Variants in PTPRN2 observed in about 807,000 individuals in gnomAD.
PTPRN2 encodes receptor-type tyrosine-protein phosphatase N2.
Under a neutral mutation model 118.8 loss-of-function variants are expected in PTPRN2, and 74 were observed. The ratio of observed to expected loss-of-function variants is 0.62; its 90% CI spans 0.52 to 0.76. The LOEUF is 0.76. Among genes scored for constraint, PTPRN2 ranks in the 30% least tolerant of loss-of-function variants. PTPRN2 has a pLI of 0.00. For synonymous variants in PTPRN2, 641 were observed against 608.0 expected (o/e 1.05, Z -0.80); for missense variants, 1,481 against 1,394.4 (o/e 1.06, Z -0.99).
chr7:158,542,353 A>G lies in PTPRN2; in HGVS notation c.112+45205T>C, dbSNP rs189494712. ...TTTTTAGTAGAGTTGGGGTTTCACC[A>G]TGTTGGCCAGGCTGGTCTCGAACTT... On this transcript the variant is annotated intron_variant, in intron 1 of 22. Transcript: ENST00000389418. 5.0e-3 allele frequency among the ~76,000 whole-genome samples: 762 copies of G among 152,354 alleles called. 9 individuals carry two copies. Among genetic ancestry groups the G allele is most frequent in the African/African-American group, 0.017 (700 of 41,578 alleles).
chr7:158,266,733 T>C (rs1483293095), intron 3 of PTPRN2, among the ~76,000 whole-genome samples: 1 of 152,046 alleles, frequency 6.6e-6, no homozygotes, highest in African/African-American at 2.4e-5. Flanking sequence ...GAGATGAGAG[T>C]TCTGTAATTT....
intron 3 of PTPRN2, among the ~76,000 whole-genome samples, chr7:158,280,175 A>G (rs1586111298): frequency 6.6e-6 from 1 of 152,210 alleles, no homozygotes; most frequent in East Asian, 1.9e-4. Flanking sequence ...TGTCCCTTCC[A>G]TATCTGGAAC....
Position 158,081,345 on chromosome 7 carries a change from C to G in PTPRN2, c.1676G>C (p.Ser559Thr), listed in dbSNP as rs1479360422. The G allele has an allele frequency of 3.1e-6, 5 of 1,614,178 alleles. No homozygotes were observed. The highest frequency in any genetic ancestry group is 8.5e-7 in the Non-Finnish European group (1 of 1,180,034). ...AGTGGTCACGTTTTGGACATTGGCG[C>G]TCACTTTGAAGGTCACTGCTGGTCC... ...VLGPAVTFKV[S>T]ANVQNVTTED... The change falls in exon 11 of 23, where the codon AGC becomes ACC. Residue 559 changes from serine (S) to threonine (T), a missense_variant. Physicochemically the swap from Ser to Thr is moderately conservative, Grantham distance 58. Around this residue, in one of 3 missense-constraint regions of PTPRN2, gnomAD observed 1,115 missense variants for 994.2 expected, o/e 1.12. Transcript: ENST00000389418.
At chr7:157,711,929 A>G in intron 12 of PTPRN2, among the ~76,000 whole-genome samples, 1 of 78,208 alleles carries the variant, frequency 1.3e-5, no homozygotes, top group East Asian at 2.5e-4. Context: ...CATGCAGGCC[A>G]CATGAGTGGG....
At chr7:158,065,356 A>G (rs1449746022) in intron 11 of PTPRN2, among the ~76,000 whole-genome samples, 4 of 152,178 alleles carry the variant, frequency 2.6e-5, no homozygotes, top group Non-Finnish European at 5.9e-5. Flanking sequence ...ATCATGGGGG[A>G]GTCCTGTAAG....
intron 14 of PTPRN2, among the ~76,000 whole-genome samples, chr7:157,646,348 C>T (rs965231984): frequency 6.6e-6 from 1 of 152,096 alleles, no homozygotes; most frequent in Non-Finnish European, 1.5e-5. Flanking sequence ...GCGGCACTCC[C>T]CATCTGTTCT....
chr7:158,114,195 G>T (rs1198129390), intron 9 of PTPRN2, among the ~76,000 whole-genome samples: 1 of 152,236 alleles, frequency 6.6e-6, no homozygotes, highest in African/African-American at 2.4e-5. Context: ...GCCCAGTCCA[G>T]GGCTCTGGGA....
chr7:158,001,156 G>A (rs1214366142), intron 11 of PTPRN2, among the ~76,000 whole-genome samples: 1 of 145,664 alleles, frequency 6.9e-6, no homozygotes. Context: ...AGGTGGGGCT[G>A]GGGTTTGGCC....
chr7:158,086,289 G>A (rs1252917038), intron 10 of PTPRN2, among the ~76,000 whole-genome samples: 1 of 151,554 alleles, frequency 6.6e-6, no homozygotes, highest in Non-Finnish European at 1.5e-5. Context: ...CCAGGCCTCT[G>A]CACGATGAGA....
At chr7:158,317,875 T>C (rs1043169575) in intron 2 of PTPRN2, among the ~76,000 whole-genome samples, 3 of 152,196 alleles carry the variant, frequency 2.0e-5, no homozygotes, top group Non-Finnish European at 4.4e-5. Flanking sequence ...GCATATATGC[T>C]CACGACGACG....
Position 158,398,163 on chromosome 7 carries a change from T to C in PTPRN2, c.164-81231A>G, listed in dbSNP as rs1183690780. On this transcript the variant is annotated intron_variant, in intron 2 of 22. Coordinates refer to ENST00000389418, the MANE Select transcript of PTPRN2 (RefSeq NM_002847.5). ...CAGACTAGCAACCCGTCATTCATCA[T>C]TCATAGGAGAATGCAAAATTACATC... Among the ~76,000 whole-genome samples the C allele has an allele frequency of 2.0e-5, 3 of 152,260 alleles. No individual in the cohort carries two copies. In the East Asian group the frequency reaches 5.8e-4, roughly 29 times the overall value.
chr7:157,682,960 T>C lies in PTPRN2; in HGVS notation c.1789-23A>G, dbSNP rs779469515. ...TTTCTGCAGAACAAGGAGAGAGGGGTGTGTTAGCTCCTGACAAAGCATGAC... is the reference window on the plus strand; with the variant it reads ...TTTCTGCAGAACAAGGAGAGAGGGGCGTGTTAGCTCCTGACAAAGCATGAC... On this transcript the variant is annotated intron_variant, in intron 12 of 22. Coordinates refer to ENST00000389418, the MANE Select transcript of PTPRN2 (RefSeq NM_002847.5). The C allele has an allele frequency of 3.8e-6, 6 of 1,562,792 alleles. No homozygotes were observed. The African/African-American group carries it at 8.1e-5, about 21-fold the overall frequency.
At chr7:157,666,006 G>T (rs1044261557) in intron 13 of PTPRN2, among the ~76,000 whole-genome samples, 1 of 152,198 alleles carries the variant, frequency 6.6e-6, no homozygotes, top group African/African-American at 2.4e-5. Flanking sequence ...CAGGGGGAGG[G>T]GTAGCATTAG....
At chr7:158,256,507 A>G (rs367603569) in intron 3 of PTPRN2, among the ~76,000 whole-genome samples, 2 of 152,162 alleles carry the variant, frequency 1.3e-5, no homozygotes, top group East Asian at 1.9e-4. Flanking sequence ...GAAATACACT[A>G]AGGCCCCGGA....
rs1798093335 is a variant in PTPRN2 at position 158,268,829 on chromosome 7, G to A, written c.277+47990C>T. Among the ~76,000 whole-genome samples, 3 of 139,672 alleles carry A rather than the reference G, an allele frequency of 2.1e-5. 1 individual carries two copies. Among genetic ancestry groups the A allele is most frequent in the Non-Finnish European group, 3.1e-5 (2 of 65,154 alleles). The allele number at this position is 139,672 out of a possible 152,430, so 91.6% of individuals were successfully genotyped here. ...AATATCCCAGCCGCACGCACACAGG[G>A]TGGGTGTGAAATATCCCAGCCGCAC... On this transcript the variant is annotated intron_variant, in intron 3 of 22. Transcript: ENST00000389418.
chr7:157,546,551 T>C (rs1253103104), intron 22 of PTPRN2, among the ~76,000 whole-genome samples: 1 of 152,216 alleles, frequency 6.6e-6, no homozygotes, highest in Admixed American at 6.5e-5. Context: ...TTCCTGTGTT[T>C]GTTTGCTGAG....
intron 11 of PTPRN2, among the ~76,000 whole-genome samples, chr7:158,025,875 A>G (rs1164614540): frequency 6.6e-6 from 1 of 152,174 alleles, no homozygotes; most frequent in East Asian, 1.9e-4. Context: ...CCGGAGTGGG[A>G]TTTGCTCTTC....
At position 157,977,148 on chromosome 7, in the gene PTPRN2, A is replaced by G. The variant is rs928370235; in HGVS notation, c.1724-78411T>C. On this transcript the variant is annotated intron_variant, in intron 11 of 22. Transcript: ENST00000389418. This position sits in a 1 kb window ranked among gnomAD's most constrained non-coding sequence, Gnocchi z 4.6. ...AATAATTAGTTAACTGATTAACGAAATGCATATTCATTAAGCACACCTGTA... is the reference window on the plus strand; with the variant it reads ...AATAATTAGTTAACTGATTAACGAAGTGCATATTCATTAAGCACACCTGTA... Among the ~76,000 whole-genome samples the G allele has an allele frequency of 4.6e-5, 7 of 151,952 alleles. No homozygotes were observed. The highest frequency in any genetic ancestry group is 1.4e-4 in the African/African-American group (6 of 41,428).
intron 2 of PTPRN2, among the ~76,000 whole-genome samples, chr7:158,323,065 G>C (rs185527043): frequency 2.6e-5 from 4 of 152,226 alleles, no homozygotes; most frequent in Non-Finnish European, 5.9e-5. Flanking sequence ...ACAGGCTTGT[G>C]GGGGAGGGGA....
Sources: allele counts gnomAD v4.1 joint callset (sites outside exome capture counted in the v4.1 genomes callset), GRCh38; gene constraint gnomAD v4.1.1; regional missense constraint gnomAD v4.1.1; non-coding constraint Gnocchi (gnomAD v3.1); transcripts MANE v1.5; gene names NCBI Gene and HGNC (gene_info 2026-07-23, HGNC 2026-07-21).